Variants in HMGCL observed in about 807,000 individuals in gnomAD.
HMGCL encodes hydroxymethylglutaryl-CoA lyase, mitochondrial.
A neutral mutation model predicts 37.3 loss-of-function variants in HMGCL; 26 were observed. That is an observed-to-expected ratio of 0.70 (90% CI 0.51 to 0.97). The LOEUF is 0.97. Ranked by LOEUF, HMGCL falls within the 50% of genes least tolerant of loss-of-function variation. The probability of loss-of-function intolerance (pLI) is 0.00; values close to 1 mark genes in which losing one functional copy is unlikely to be tolerated. For synonymous variants in HMGCL, 151 were observed against 148.0 expected (o/e 1.02, Z -0.15); for missense variants, 379 against 398.1 (o/e 0.95, Z 0.41).
At chr1:23,816,398 C>T (rs1638613964) in intron 4 of HMGCL, 1 of 488,268 alleles carries the variant, frequency 2.0e-6, no homozygotes, top group Admixed American at 3.3e-5. Context: ...TAAGCAGTTA[C>T]CTTTTATCTG....
In HMGCL at chr1:23,806,490, C is replaced by T. The variant is rs1290423679; in HGVS notation, c.750+1645G>A. On this transcript the variant is annotated intron_variant, in intron 7 of 8. Coordinates refer to ENST00000374490, the MANE Select transcript of HMGCL (RefSeq NM_000191.3). The surrounding 1 kb of genome is among the most constrained non-coding windows in gnomAD (Gnocchi z 4.0). ...CTCCTCCCTCAGGGCTCTGCGCCTG[C>T]TTTCCTGGGTGGGGCTCCCTTCCCT... Among the ~76,000 whole-genome samples, 1 of 152,186 alleles carries T rather than the reference C, an allele frequency of 6.6e-6. No homozygotes were observed. Among genetic ancestry groups the T allele is most frequent in the Admixed American group, 6.5e-5 (1 of 15,276 alleles).
At chr1:23,811,537 C>T (rs1433818351) in intron 5 of HMGCL, among the ~76,000 whole-genome samples, 1 of 152,172 alleles carries the variant, frequency 6.6e-6, no homozygotes, top group Non-Finnish European at 1.5e-5. Context: ...CAGGAAAGAT[C>T]CCTCTGAGGA....
chr1:23,810,672 G>A, intron 6 of HMGCL, 64 bp downstream of exon 6: 1 of 1,382,888 alleles, frequency 7.2e-7, no homozygotes, highest in Admixed American at 1.7e-5. Context: ...AGGAACCTAT[G>A]CGCTCAGGGG....
At chr1:23,807,567 C>A (rs146802287) in intron 7 of HMGCL, among the ~76,000 whole-genome samples, 44 of 152,332 alleles carry the variant, frequency 2.9e-4, no homozygotes, top group African/African-American at 1.0e-3. Flanking sequence ...GAGAAGCAAA[C>A]CTCAAAGGAA....
At chr1:23,816,604 G>A (rs1220456879) in intron 4 of HMGCL, 71 bp downstream of exon 4, 14 of 956,778 alleles carry the variant, frequency 1.5e-5, no homozygotes, top group African/African-American at 8.0e-5. Flanking sequence ...GGACTGAGGC[G>A]CCAAGACAAG....
chr1:23,821,535 TGTA>T lies in HMGCL; in HGVS notation c.61-945_61-943del, dbSNP rs368888292. 7.2e-5 allele frequency among the ~76,000 whole-genome samples: 11 copies of T among 151,888 alleles called. No homozygotes were observed. The East Asian group carries it at 1.9e-3, about 27-fold the overall frequency. ...TTAGCCAGGTGTGGTGGAATGGACATGTAGTCCCAGCTACTCAAGAGGCTGAGG... is the reference window on the plus strand; with the variant it reads ...TTAGCCAGGTGTGGTGGAATGGACATGTCCCAGCTACTCAAGAGGCTGAGG... On this transcript the variant is annotated intron_variant, in intron 1 of 8. Coordinates refer to ENST00000374490, the MANE Select transcript of HMGCL (RefSeq NM_000191.3).
intron 6 of HMGCL, chr1:23,809,239 T>TATATATATA (rs61608386): frequency 9.3e-5 from 7 of 75,432 alleles, no homozygotes; most frequent in Non-Finnish European, 1.4e-4. Flanking sequence ...TATATATATA[T>TATATATATA]TTTTTTTTTT....
chr1:23,812,941 G>C (rs1570649184), intron 5 of HMGCL, among the ~76,000 whole-genome samples: 1 of 152,116 alleles, frequency 6.6e-6, no homozygotes, highest in Non-Finnish European at 1.5e-5. Context: ...CTAGGCTGGA[G>C]TGCAGTGGCG....
chr1:23,812,623 T>C (rs930463718), intron 5 of HMGCL, among the ~76,000 whole-genome samples: 1 of 151,778 alleles, frequency 6.6e-6, no homozygotes, highest in African/African-American at 2.4e-5. Flanking sequence ...CCAAGGAAGG[T>C]TGTTCTGAGT....
Position 23,802,107 on chromosome 1 carries a change from G to T in HMGCL, c.*356C>A. 1.8e-6 allele frequency: 1 copy of T among 551,948 alleles called. No homozygotes were observed. Among genetic ancestry groups the T allele is most frequent in the Non-Finnish European group, 3.2e-6 (1 of 311,966 alleles). The allele number at this position is 551,948 out of a possible 1,614,324, so 34.2% of individuals were successfully genotyped here. A position where few individuals can be genotyped will look rare whatever the true frequency, so the allele number is the denominator to read the frequency against. On this transcript the variant is annotated 3_prime_UTR_variant, in exon 9 of 9. Coordinates refer to ENST00000374490, the MANE Select transcript of HMGCL (RefSeq NM_000191.3). ...ATGGCAGGGTGGAGCCGTGTAGAGG[G>T]TGGCCAGGTGGCCAGCTCGCGGATT... is the stretch of plus-strand genomic sequence containing the variant.
intron 6 of HMGCL, 25 bp downstream of exon 6, chr1:23,810,711 C>G (rs762081037): frequency 1.2e-6 from 2 of 1,611,766 alleles, no homozygotes; most frequent in Non-Finnish European, 1.7e-6. Flanking sequence ...CTCACCAAAC[C>G]CCCCGCCCTG....
chr1:23,825,286 G>C (rs1638795919), intron 1 of HMGCL, 70 bp downstream of exon 1: 2 of 1,327,986 alleles, frequency 1.5e-6, no homozygotes. Context: ...CAGTCACCAC[G>C]GGCCAAGCCC....
chr1:23,810,577 G>C, intron 6 of HMGCL, 159 bp downstream of exon 6: 1 of 693,644 alleles, frequency 1.4e-6, no homozygotes. Flanking sequence ...TAGGGAGCAA[G>C]TGCAGGGCTG....
intron 7 of HMGCL, 55 bp downstream of exon 7, chr1:23,808,079 AC>A: frequency 4.0e-6 from 6 of 1,483,848 alleles, no homozygotes; most frequent in Non-Finnish European, 5.6e-6. Flanking sequence ...ATAAATGATA[AC>A]AAGCTGTCCT....
chr1:23,806,885 C>T lies in HMGCL; in HGVS notation c.750+1250G>A, dbSNP rs2148418364. ...TCTTCCATCTGTCTTCCCCACCCACCATAACATGAGCTCCCAGAGGGCAGG... is the reference window on the plus strand; with the variant it reads ...TCTTCCATCTGTCTTCCCCACCCACTATAACATGAGCTCCCAGAGGGCAGG... On this transcript the variant is annotated intron_variant, in intron 7 of 8. Coordinates refer to ENST00000374490, the MANE Select transcript of HMGCL (RefSeq NM_000191.3). This position sits in a 1 kb window ranked among gnomAD's most constrained non-coding sequence, Gnocchi z 4.0. 1 of 491,950 alleles carries T rather than the reference C, an allele frequency of 2.0e-6. No individual in the cohort carries two copies. The highest frequency in any genetic ancestry group is 1.5e-5 in the South Asian group (1 of 68,770). The allele number at this position is 491,950 out of a possible 1,614,324, so 30.5% of individuals were successfully genotyped here.
chr1:23,816,704 T>C lies in HMGCL; in HGVS notation c.319A>G (p.Thr107Ala). 1 of 1,613,190 alleles carries C rather than the reference T, an allele frequency of 6.2e-7. No homozygotes were observed. Among genetic ancestry groups the C allele is most frequent in the Non-Finnish European group, 8.5e-7 (1 of 1,179,184 alleles). Residue 107 changes from threonine (T) to alanine (A), a missense_variant, in exon 4 of 9, where the codon ACC becomes GCC. Coordinates refer to ENST00000374490, the MANE Select transcript of HMGCL (RefSeq NM_000191.3). ...GCCTCGAAGCCTTTCAAATTTGGGG[T>C]CAGGACTGGGTAGTTGATGCCAGGA... is the stretch of plus-strand genomic sequence containing the variant. ...KFPGINYPVLTPNLKGFEAAV... is the reference protein window; with the variant it reads ...KFPGINYPVLAPNLKGFEAAV...
chr1:23,803,246 G>A (rs1264206018), intron 8 of HMGCL, among the ~76,000 whole-genome samples: 2 of 152,026 alleles, frequency 1.3e-5, no homozygotes, highest in African/African-American at 4.8e-5. Flanking sequence ...TGTGTCGCCA[G>A]GCTGGAGTAC....
intron 4 of HMGCL, among the ~76,000 whole-genome samples, chr1:23,815,348 C>A (rs926919338): frequency 6.6e-6 from 1 of 152,022 alleles, no homozygotes; most frequent in East Asian, 1.9e-4. Flanking sequence ...CAGACCCCAG[C>A]AGAGAGGCAT....
rs368461149 is a variant in HMGCL at position 23,825,349 on chromosome 1, C to T, written c.60+7G>A. On this transcript the variant is annotated splice_region_variant and intron_variant, in intron 1 of 8. Transcript: ENST00000374490. ...GGGCCGCCGCCTCGGCGGCTCGGGGCACTTACAGCCCGGAGGGACGCCAAG... is the reference window on the plus strand; with the variant it reads ...GGGCCGCCGCCTCGGCGGCTCGGGGTACTTACAGCCCGGAGGGACGCCAAG... The T allele has an allele frequency of 7.1e-6, 11 of 1,555,180 alleles. No individual in the cohort carries two copies. The East Asian group carries it at 1.5e-4, about 21-fold the overall frequency.
Sources: allele counts gnomAD v4.1 joint callset (sites outside exome capture counted in the v4.1 genomes callset), GRCh38; gene constraint gnomAD v4.1.1; non-coding constraint Gnocchi (gnomAD v3.1); transcripts MANE v1.5; gene names NCBI Gene and HGNC (gene_info 2026-07-23, HGNC 2026-07-21).